ZNF385D: variants seen among roughly 807,000 people sequenced by gnomAD.
ZNF385D encodes the protein zinc finger protein 385D, also known as zinc finger protein 659.
A neutral mutation model predicts 35.8 loss-of-function variants in ZNF385D; 15 were observed. The ratio of observed to expected loss-of-function variants is 0.42; its 90% CI spans 0.28 to 0.64. The LOEUF (loss-of-function observed/expected upper bound fraction) is 0.64, where lower values mean the gene tolerates loss of function less well. Ranked by LOEUF, ZNF385D falls within the 30% of genes least tolerant of loss-of-function variation. The pLI, the probability that ZNF385D is intolerant of heterozygous loss-of-function variation, is 0.23. For synonymous variants in ZNF385D, 212 were observed against 186.8 expected, an observed-to-expected ratio of 1.13 and a Z score of -1.10; for missense variants, 474 against 494.6, an observed-to-expected ratio of 0.96 and a Z score of 0.39.
At chr3:21,520,498 C>T (rs1172675089) in intron 3 of ZNF385D, among the ~76,000 whole-genome samples, 4 of 152,170 alleles carry the variant, frequency 2.6e-5, no homozygotes, top group African/African-American at 7.2e-5. Context: ...TTTGGCACTT[C>T]GCCTTATCTG....
chr3:21,842,268 T>C (rs540232148), intron 3 of ZNF385D, among the ~76,000 whole-genome samples: 98 of 152,090 alleles, frequency 6.4e-4, no homozygotes, highest in African/African-American at 2.2e-3. Flanking sequence ...ACAATAGAAA[T>C]GCAATTTAAA....
intron 3 of ZNF385D, among the ~76,000 whole-genome samples, chr3:21,529,934 T>C (rs1324203828): frequency 6.6e-6 from 1 of 152,180 alleles, no homozygotes; most frequent in Non-Finnish European, 1.5e-5. Flanking sequence ...CATGTTGAAA[T>C]GTGATCCCCA....
chr3:22,089,470 T>G (rs909511866), intron 3 of ZNF385D, among the ~76,000 whole-genome samples: 2 of 152,212 alleles, frequency 1.3e-5, no homozygotes, highest in East Asian at 3.9e-4. Context: ...GACAGGCTCC[T>G]GCGGTACACG....
intron 2 of ZNF385D, among the ~76,000 whole-genome samples, chr3:21,578,543 C>G (rs968727270): frequency 6.6e-6 from 1 of 152,046 alleles, no homozygotes; most frequent in Non-Finnish European, 1.5e-5. Flanking sequence ...TTTTATTCTT[C>G]TATATATGGA....
intron 3 of ZNF385D, among the ~76,000 whole-genome samples, chr3:21,550,649 ATTTTTGCATT>A (rs2062535159): frequency 6.6e-6 from 1 of 151,884 alleles, no homozygotes; most frequent in Non-Finnish European, 1.5e-5. Flanking sequence ...TGCCCAACTA[ATTTTTGCATT>A]TTTAACAGAG....
At chr3:22,129,679 T>C (rs949056800) in intron 3 of ZNF385D, among the ~76,000 whole-genome samples, 1 of 151,142 alleles carries the variant, frequency 6.6e-6, no homozygotes, top group Non-Finnish European at 1.5e-5. Flanking sequence ...TCTTTAGTCA[T>C]AAAGTGGTGA....
At chr3:22,022,825 A>G (rs1697303770) in intron 3 of ZNF385D, among the ~76,000 whole-genome samples, 1 of 152,220 alleles carries the variant, frequency 6.6e-6, no homozygotes, top group African/African-American at 2.4e-5. Flanking sequence ...TATGCAAAAT[A>G]GTTACCAGGA....
In ZNF385D at chr3:21,654,404, C is replaced by G. The variant is rs1393338532; in HGVS notation, c.165+10482G>C. Among the ~76,000 whole-genome samples the G allele has an allele frequency of 3.3e-5, 5 of 152,130 alleles. No homozygotes were observed. In the East Asian group the frequency reaches 9.6e-4, roughly 29 times the overall value. The stretch of plus-strand genomic sequence containing the variant: ...ATTTATGAGCTTCAGAGAGAACCAT[C>G]TGACATTGGCACACCTCTTCAGGAT... On this transcript the variant is annotated intron_variant, in intron 2 of 7. Coordinates refer to ENST00000281523, the MANE Select transcript of ZNF385D (RefSeq NM_024697.3).
At chr3:22,339,126 ATG>A (rs1195239525) in intron 2 of ZNF385D, among the ~76,000 whole-genome samples, 1 of 152,172 alleles carries the variant, frequency 6.6e-6, no homozygotes, top group Non-Finnish European at 1.5e-5. Context: ...GTTTTAAAGC[ATG>A]TGCTCCTGTA....
intron 3 of ZNF385D, among the ~76,000 whole-genome samples, chr3:21,758,543 AC>A (rs1206235561): frequency 6.6e-6 from 1 of 152,152 alleles, no homozygotes; most frequent in African/African-American, 2.4e-5. Flanking sequence ...CAGGTGAGGA[AC>A]CTAATATGGG....
chr3:21,528,584 G>A (rs1209798790), intron 3 of ZNF385D, among the ~76,000 whole-genome samples: 1 of 152,158 alleles, frequency 6.6e-6, no homozygotes, highest in African/African-American at 2.4e-5. Flanking sequence ...TTCCTGAATT[G>A]CCACATGAAA....
intron 1 of ZNF385D, among the ~76,000 whole-genome samples, chr3:21,701,380 T>G (rs963130830): frequency 6.6e-6 from 1 of 152,018 alleles, no homozygotes; most frequent in Non-Finnish European, 1.5e-5. Flanking sequence ...TTCACCATCA[T>G]GAGAATAGCA....
intron 3 of ZNF385D, among the ~76,000 whole-genome samples, chr3:22,058,344 C>G (rs544223163): frequency 1.7e-4 from 26 of 152,356 alleles, no homozygotes; most frequent in South Asian, 8.3e-4. Flanking sequence ...CTATTGTCAA[C>G]AGTTGCCTCA....
intron 3 of ZNF385D, among the ~76,000 whole-genome samples, chr3:22,086,454 T>C (rs1295415474): frequency 6.6e-6 from 1 of 152,126 alleles, no homozygotes; most frequent in Non-Finnish European, 1.5e-5. Flanking sequence ...TCACAATTGC[T>C]TCAAAGAGAA....
chr3:22,047,767 G>A (rs1327540550), intron 3 of ZNF385D, among the ~76,000 whole-genome samples: 1 of 152,130 alleles, frequency 6.6e-6, no homozygotes. Context: ...ATACCCAGAA[G>A]TGGGATTGCC....
chr3:21,842,483 T>C (rs968244215), intron 3 of ZNF385D, among the ~76,000 whole-genome samples: 3 of 151,996 alleles, frequency 2.0e-5, no homozygotes, highest in African/African-American at 4.8e-5. Context: ...TTGGTAATCA[T>C]GAAAGATGAC....
At chr3:22,076,873 C>T (rs1159471194) in intron 3 of ZNF385D, among the ~76,000 whole-genome samples, 1 of 151,854 alleles carries the variant, frequency 6.6e-6, no homozygotes, top group African/African-American at 2.4e-5. Context: ...TTCTGTATGA[C>T]TGTAAGTAAT....
At chr3:21,513,102 T>G (rs1210651873) in intron 3 of ZNF385D, among the ~76,000 whole-genome samples, 2 of 152,180 alleles carry the variant, frequency 1.3e-5, no homozygotes, top group Admixed American at 6.6e-5. Context: ...CATTTAAAAT[T>G]AAACAACACT....
At chr3:22,197,469 T>C (rs1300270215) in intron 2 of ZNF385D, among the ~76,000 whole-genome samples, 4 of 152,068 alleles carry the variant, frequency 2.6e-5, no homozygotes, top group African/African-American at 9.7e-5. Context: ...GTTCGACTCA[T>C]CTATATTTGA....
Sources: gnomAD v4.1 joint callset for allele counts (sites outside exome capture counted in the v4.1 genomes callset) on GRCh38, gnomAD v4.1.1 for gene constraint, MANE v1.5 for transcripts, NCBI Gene and HGNC (gene_info 2026-07-23, HGNC 2026-07-21) for gene names.